Variants in SLC34A3 observed in about 807,000 individuals in gnomAD.
The protein encoded by SLC34A3 is solute carrier family 34 member 3.
In SLC34A3, 60 loss-of-function variants were observed where a neutral mutation model predicts 43.9. That is an observed-to-expected ratio of 1.37 (90% confidence interval 1.11 to 1.70). The LOEUF (loss-of-function observed/expected upper bound fraction) is 1.70. SLC34A3 is among the 40% of genes most tolerant of loss of function. SLC34A3 has a pLI of 0.00. For missense variants in SLC34A3, 969 were observed against 823.8 expected, an observed-to-expected ratio of 1.18 and a Z score of -2.16; for synonymous variants, 451 against 386.2, an observed-to-expected ratio of 1.17 and a Z score of -1.97.
Position 137,234,437 on chromosome 9 carries a change from G to C in SLC34A3, c.1115G>C (p.Trp372Ser). ...ACAGACTTCCCCTTCCCGCTGGGCT[G>C]GCTCGGCGGCTACCTGGCCGTCCTC... ...INADFPFPLG[W>S]LGGYLAVLAG... is the part of the protein sequence containing the mutation. Residue 372 changes from tryptophan to serine, a missense_variant, in exon 11 of 13, where the codon TGG (tryptophan) becomes TCG (serine). Trp to Ser is a radical substitution (Grantham distance 177). Coordinates refer to ENST00000673835, the MANE Select transcript of SLC34A3 (RefSeq NM_001177316.2). This position sits in a 1 kb window ranked among gnomAD's most constrained non-coding sequence, Gnocchi z 6.9. The C allele has an allele frequency of 6.3e-7, 1 of 1,598,436 alleles. No homozygotes were observed. Among genetic ancestry groups the C allele is most frequent in the Non-Finnish European group, 8.5e-7 (1 of 1,178,976 alleles).
upstream of SLC34A3, among the ~76,000 whole-genome samples, chr9:137,230,054 C>T (rs1053313075): frequency 5.3e-5 from 8 of 152,104 alleles, no homozygotes; most frequent in African/African-American, 1.9e-4. Flanking sequence ...AGTCCCCATG[C>T]ACACAGCGGG....
intron 3 of SLC34A3, 124 bp from the exon 4 acceptor site, chr9:137,232,451 G>A (rs1390033980): frequency 1.4e-6 from 2 of 1,383,598 alleles, no homozygotes; most frequent in Non-Finnish European, 2.0e-6. Context: ...GGTTACGGAA[G>A]AGGAGGAAAT....
At chr9:137,230,314 C>T (rs1442843066), upstream of SLC34A3, among the ~76,000 whole-genome samples, 1 of 152,186 alleles carries the variant, frequency 6.6e-6, no homozygotes, top group Non-Finnish European at 1.5e-5. Context: ...GCTGGCTATA[C>T]CAGGGCCGAG....
At chr9:137,232,194 G>A (rs1836260654) in intron 3 of SLC34A3, 33 bp downstream of exon 3, 5 of 1,593,364 alleles carry the variant, frequency 3.1e-6, no homozygotes, top group Non-Finnish European at 3.4e-6. Flanking sequence ...TGGCAGGCTG[G>A]CAGGCCTCTG....
chr9:137,231,779 G>T lies in SLC34A3; in HGVS notation c.77G>T (p.Arg26Met). ...GTTGACCTAGTGGAAAAGACTCTGA[G>T]GAATGAAGGTACCAGTGGCCCCTGT... Reference protein sequence around the residue: ...DAVDLVEKTLRNEGTSSSAPV... With the variant: ...DAVDLVEKTLMNEGTSSSAPV... Residue 26 changes from arginine (R) to methionine (M), a missense_variant, in exon 2 of 13, where the codon AGG becomes ATG. Arg to Met is a moderately conservative substitution (Grantham distance 91). Transcript: ENST00000673835. 6.2e-7 allele frequency: 1 copy of T among 1,613,158 alleles called. No individual in the cohort carries two copies. Among genetic ancestry groups the T allele is most frequent in the Non-Finnish European group, 8.5e-7 (1 of 1,179,906 alleles).
At position 137,236,539 on chromosome 9, in the gene SLC34A3, C is replaced by T. The variant is rs1246316812; in HGVS notation, c.*123C>T. The T allele has an allele frequency of 2.3e-6, 2 of 877,748 alleles. No individual in the cohort carries two copies. Among genetic ancestry groups the T allele is most frequent in the African/African-American group, 3.3e-5 (2 of 59,930 alleles). 54.4% of individuals were successfully genotyped at this position (877,748 alleles called of 1,614,324 possible). On this transcript the variant is annotated 3_prime_UTR_variant, in exon 13 of 13. Transcript: ENST00000673835. ...CTGCTTCCCCTTCTGTGCAAATAAA[C>T]CAGGCTGTTATCTGGGGTGGCGGTC... is the stretch of plus-strand genomic sequence containing the variant.
In SLC34A3 at chr9:137,233,198, TGCG is replaced by T; in HGVS notation, c.561-8_561-6del. On this transcript the variant is annotated splice_polypyrimidine_tract_variant and splice_region_variant and intron_variant, in intron 6 of 12. Coordinates refer to ENST00000673835, the MANE Select transcript of SLC34A3 (RefSeq NM_001177316.2). ...CCCCCACCTGACCCTGCCCACTCTCTGCGGCCACAGGGCTTTCAGCGGCTCGGC... is the reference window on the plus strand; with the variant it reads ...CCCCCACCTGACCCTGCCCACTCTCTGCCACAGGGCTTTCAGCGGCTCGGC... 3 of 1,571,468 alleles carry T rather than the reference TGCG, an allele frequency of 1.9e-6. No individual in the cohort carries two copies. The highest frequency in any genetic ancestry group is 2.6e-6 in the Non-Finnish European group (3 of 1,159,232).
upstream of SLC34A3, among the ~76,000 whole-genome samples, chr9:137,229,832 T>G (rs992308735): frequency 6.6e-6 from 1 of 152,024 alleles, no homozygotes; most frequent in African/African-American, 2.4e-5. Flanking sequence ...CAGACCCTTT[T>G]GAGGGGCCGG....
Position 137,236,306 on chromosome 9 carries a change from C to A in SLC34A3, c.1690C>A (p.Arg564Ser). ...GCTCCATTCTCTGGAGCCCTGGGAC[C>A]GCCTGGTGACCCGCTGCTGCCCCTG... ...VWLHSLEPWDRLVTRCCPCNV... is the reference protein window; with the variant it reads ...VWLHSLEPWDSLVTRCCPCNV... Residue 564 changes from arginine (R) to serine (S), a missense_variant, in exon 13 of 13, where the codon CGC becomes AGC. Arg to Ser is a moderately radical substitution (Grantham distance 110). Transcript: ENST00000673835. 2 of 1,542,866 alleles carry A rather than the reference C, an allele frequency of 1.3e-6. No homozygotes were observed. The highest frequency in any genetic ancestry group is 1.7e-6 in the Non-Finnish European group (2 of 1,146,734).
rs370096620 is a variant in SLC34A3 at position 137,234,208 on chromosome 9, T to G, written c.1025T>G (p.Ile342Arg). Residue 342 changes from isoleucine to arginine, a missense_variant, in exon 10 of 13, where the codon ATA becomes AGA. Physicochemically the swap from Ile to Arg is moderately conservative, Grantham distance 97. Coordinates refer to ENST00000673835, the MANE Select transcript of SLC34A3 (RefSeq NM_001177316.2). The surrounding 1 kb of genome is among the most constrained non-coding windows in gnomAD (Gnocchi z 6.9). ...LLVLCGCLVL[I>R]VKLLNSVLRG... Reference sequence around the variant, plus strand: ...GTGCTCTGCGGCTGCCTGGTCCTCATAGTCAAGCTGCTCAACTCTGTGCTG... The same window carrying G: ...GTGCTCTGCGGCTGCCTGGTCCTCAGAGTCAAGCTGCTCAACTCTGTGCTG... 3.7e-6 allele frequency: 6 copies of G among 1,607,952 alleles called. No homozygotes were observed. Among genetic ancestry groups the G allele is most frequent in the Admixed American group, 3.4e-5 (2 of 59,586 alleles).
chr9:137,235,005 C>A (rs902716115), intron 12 of SLC34A3, among the ~76,000 whole-genome samples: 1 of 152,208 alleles, frequency 6.6e-6, no homozygotes, highest in Non-Finnish European at 1.5e-5. Flanking sequence ...CTGCCCCCAG[C>A]ATCTCAGGGG....
At chr9:137,235,583 C>T (rs1588851522) in intron 12 of SLC34A3, among the ~76,000 whole-genome samples, 3 of 152,218 alleles carry the variant, frequency 2.0e-5, no homozygotes, top group Admixed American at 2.0e-4. Context: ...TGCCTCCTCC[C>T]CGCAGGGCCT....
chr9:137,232,005 T>G, intron 2 of SLC34A3, 67 bp from the exon 3 acceptor site: 1 of 1,477,650 alleles, frequency 6.8e-7, no homozygotes, highest in Non-Finnish European at 9.5e-7. Flanking sequence ...CTCCGGCCTG[T>G]GCCCTTGTGC....
intron 8 of SLC34A3, 44 bp from the exon 9 acceptor site, chr9:137,233,815 CTCTG>C: frequency 1.3e-6 from 2 of 1,500,642 alleles, no homozygotes; most frequent in Non-Finnish European, 1.8e-6. Flanking sequence ...GCCCTCTGAC[CTCTG>C]TCTGCCCACT....
rs981770251 is a variant in SLC34A3 at position 137,233,391 on chromosome 9, A to C, written c.743A>C (p.His248Pro). ...ILKVLTKPLTHLIVQLDSDMI... is the reference protein window; with the variant it reads ...ILKVLTKPLTPLIVQLDSDMI... ...AAGGTGCTGACGAAGCCGCTCACACACCTCATCGTGCAGGTGAGGACGGCC... is the reference window on the plus strand; with the variant it reads ...AAGGTGCTGACGAAGCCGCTCACACCCCTCATCGTGCAGGTGAGGACGGCC... Residue 248 changes from histidine (H) to proline (P), a missense_variant, in exon 7 of 13, where the codon CAC becomes CCC. Physicochemically the swap from His to Pro is moderately conservative, Grantham distance 77. Transcript: ENST00000673835. The C allele has an allele frequency of 1.9e-6, 3 of 1,604,004 alleles. No homozygotes were observed. Among genetic ancestry groups the C allele is most frequent in the African/African-American group, 2.7e-5 (2 of 74,680 alleles).
At position 137,235,951 on chromosome 9, in the gene SLC34A3, G is replaced by C; in HGVS notation, c.1336-1G>C. ...GCCCCTGACAGCCCCCTCGCCCCCA[G>C]GTCGCCCTCATCCACTTCTTCTTCA... is the stretch of plus-strand genomic sequence containing the variant. On this transcript the variant is annotated splice_acceptor_variant, in intron 12 of 12. Transcript: ENST00000673835. LOFTEE classifies it high-confidence loss of function. 6.2e-7 allele frequency: 1 copy of C among 1,611,396 alleles called. No homozygotes were observed. Among genetic ancestry groups the C allele is most frequent in the Non-Finnish European group, 8.5e-7 (1 of 1,179,764 alleles).
At chr9:137,235,491 G>C (rs554027583) in intron 12 of SLC34A3, among the ~76,000 whole-genome samples, 1 of 152,322 alleles carries the variant, frequency 6.6e-6, no homozygotes, top group East Asian at 1.9e-4. Context: ...AAGCCCTCCA[G>C]ACTGCACCTG....
chr9:137,232,183 G>A (rs375967374), intron 3 of SLC34A3, 22 bp downstream of exon 3: 19 of 1,607,274 alleles, frequency 1.2e-5, no homozygotes, highest in African/African-American at 2.7e-5. Flanking sequence ...GGTTCCGGGG[G>A]TGGCAGGCTG....
rs757541777 is a variant in SLC34A3, at chr9:137,234,282, G to C, written c.1093+6G>C. 6.2e-7 allele frequency: 1 copy of C among 1,610,102 alleles called. No individual in the cohort carries two copies. Among genetic ancestry groups the C allele is most frequent in the African/African-American group, 1.3e-5 (1 of 74,888 alleles). The stretch of plus-strand genomic sequence containing the variant: ...GAGGACAGTCATCAATGCGGGTGAG[G>C]GCGTGGGAGGAGGTGCGGTGGCCAG... On this transcript the variant is annotated splice_donor_region_variant and intron_variant, in intron 10 of 12. Transcript: ENST00000673835. This position sits in a 1 kb window ranked among gnomAD's most constrained non-coding sequence, Gnocchi z 6.9.
Sources: gnomAD v4.1 joint callset for allele counts (sites outside exome capture counted in the v4.1 genomes callset) on GRCh38, gnomAD v4.1.1 for gene constraint, Gnocchi (gnomAD v3.1) non-coding constraint, MANE v1.5 for transcripts, NCBI Gene and HGNC (gene_info 2026-07-23, HGNC 2026-07-21) for gene names.